Variants in TACC2 observed in about 807,000 individuals in gnomAD.
The protein encoded by TACC2 is transforming acidic coiled-coil containing protein 2.
Under a neutral mutation model 227.3 loss-of-function variants are expected in TACC2, and 137 were observed. The observed-to-expected ratio is 0.60, with a 90% CI of 0.52 to 0.69. TACC2 has a LOEUF of 0.69. Ranked by LOEUF, TACC2 falls within the 30% of genes least tolerant of loss-of-function variation. TACC2 has a pLI of 0.00. For synonymous variants in TACC2, 1,523 were observed against 1,487.5 expected (o/e 1.02, Z -0.55); for missense variants, 3,470 against 3,694.4 (o/e 0.94, Z 1.57).
At chr10:122,021,858 T>A in intron 1 of TACC2, 79 bp from the exon 2 acceptor site, 3 of 789,098 alleles carry the variant, frequency 3.8e-6, no homozygotes, top group Non-Finnish European at 6.5e-6. Context: ...GGCTTTTGAG[T>A]TTGGGGAGAT....
At chr10:122,191,184 C>T (rs2094398838) in intron 7 of TACC2, among the ~76,000 whole-genome samples, 1 of 151,680 alleles carries the variant, frequency 6.6e-6, no homozygotes, top group African/African-American at 2.4e-5. Context: ...GTTGTGCGAT[C>T]ATAGCTTGCT....
chr10:122,085,564 G>A lies in TACC2; in HGVS notation c.3064G>A (p.Asp1022Asn), dbSNP rs999906345. 1.2e-6 allele frequency: 2 copies of A among 1,613,212 alleles called. No individual in the cohort carries two copies. The highest frequency in any genetic ancestry group is 1.7e-6 in the Non-Finnish European group (2 of 1,180,052). The change falls in exon 4 of 23, where the codon GAT becomes AAT. Residue 1022 changes from aspartate to asparagine, a missense_variant. Physicochemically the swap from Asp to Asn is conservative, Grantham distance 23. Coordinates refer to ENST00000369005, the MANE Select transcript of TACC2 (RefSeq NM_206862.4). ...GCATCCAGGAGCTTCTGAAGCAGCT[G>A]ATGGTTGTTCCCCACTCTGGGGCTT... ...QRHPGASEAA[D>N]GCSPLWGLSK...
chr10:122,146,033 T>C (rs1290701721), intron 7 of TACC2, among the ~76,000 whole-genome samples: 1 of 152,210 alleles, frequency 6.6e-6, no homozygotes, highest in Non-Finnish European at 1.5e-5. Flanking sequence ...CGTCCTGCCC[T>C]CAAGGAGCAT....
intron 2 of TACC2, among the ~76,000 whole-genome samples, chr10:122,041,937 GTTCTTTTCTTTT>G (rs201936747): frequency 0.041 from 6,187 of 152,056 alleles, 219 homozygotes; most frequent in Admixed American, 0.11. Context: ...GGGAGGAGCT[GTTCTTTTCTTTT>G]TTCTTTTCTT....
chr10:121,998,126 A>G (rs1001892637), intron 1 of TACC2, among the ~76,000 whole-genome samples: 7 of 152,032 alleles, frequency 4.6e-5, no homozygotes, highest in African/African-American at 1.7e-4. Flanking sequence ...CCTGGCCAAT[A>G]TGGTGAAACC....
At chr10:122,043,487 T>C (rs1307323412) in intron 2 of TACC2, among the ~76,000 whole-genome samples, 2 of 151,142 alleles carry the variant, frequency 1.3e-5, no homozygotes, top group Admixed American at 6.6e-5. Context: ...TTCTCTTTCT[T>C]TTTCTTTCTT....
chr10:122,147,551 A>G (rs1286935404), intron 7 of TACC2, among the ~76,000 whole-genome samples: 1 of 152,236 alleles, frequency 6.6e-6, no homozygotes, highest in Non-Finnish European at 1.5e-5. Context: ...AGGGTGGAAC[A>G]TCTACAGAAA....
In TACC2 at chr10:121,998,307, G is replaced by A. The variant is rs112687636; in HGVS notation, c.-46+8819G>A. 2.4e-3 allele frequency among the ~76,000 whole-genome samples: 292 copies of A among 120,882 alleles called. 2 individuals are homozygous for A. Among genetic ancestry groups the A allele is most frequent in the Non-Finnish European group, 4.2e-3 (251 of 59,864 alleles). 79.3% of individuals were successfully genotyped at this position (120,882 alleles called of 152,430 possible). On this transcript the variant is annotated intron_variant, in intron 1 of 22. Transcript: ENST00000369005. ...AGCCTGGGTGACACAGTGAGACCAC[G>A]TTCTCAAAAAAAAAAAAAAAAAAAA...
intron 7 of TACC2, among the ~76,000 whole-genome samples, chr10:122,156,302 C>T (rs181159147): frequency 6.6e-6 from 1 of 151,602 alleles, no homozygotes; most frequent in African/African-American, 2.4e-5. Flanking sequence ...CGGCTCACTG[C>T]AAGCTCCGCT....
intron 7 of TACC2, among the ~76,000 whole-genome samples, chr10:122,178,966 A>T (rs2093858233): frequency 6.6e-6 from 1 of 152,248 alleles, no homozygotes; most frequent in African/African-American, 2.4e-5. Context: ...ACTTTTAAGT[A>T]GCAGGAACAT....
In TACC2 at chr10:122,209,463, C is replaced by T. The variant is rs538418062; in HGVS notation, c.5972-934C>T. Among the ~76,000 whole-genome samples, 6 of 152,202 alleles carry T rather than the reference C, an allele frequency of 3.9e-5. No individual in the cohort carries two copies. Among genetic ancestry groups the T allele is most frequent in the East Asian group, 3.9e-4 (2 of 5,188 alleles). ...ACTGGCCTCCTCGCTGTTTCTGTAA[C>T]GCACCAGGTGCTCCTGCCGCAGAGC... is the stretch of plus-strand genomic sequence containing the variant. On this transcript the variant is annotated intron_variant, in intron 8 of 22. Coordinates refer to ENST00000369005, the MANE Select transcript of TACC2 (RefSeq NM_206862.4). This position sits in a 1 kb window ranked among gnomAD's most constrained non-coding sequence, Gnocchi z 4.5.
chr10:122,086,050 G>A lies in TACC2; in HGVS notation c.3550G>A (p.Glu1184Lys), dbSNP rs1350703229. 1 of 1,613,904 alleles carries A rather than the reference G, an allele frequency of 6.2e-7. No homozygotes were observed. The highest frequency in any genetic ancestry group is 8.5e-7 in the Non-Finnish European group (1 of 1,180,030). ...TGCCCTACGTGAGTCCTGCCAAGCT[G>A]AGCACCCCATGGCCAGCTGCCAGGA... is the stretch of plus-strand genomic sequence containing the variant. ...TSALRESCQAEHPMASCQDAL... is the reference protein window; with the variant it reads ...TSALRESCQAKHPMASCQDAL... The change falls in exon 4 of 23, where the codon GAG becomes AAG. Residue 1184 changes from glutamate (E) to lysine (K), a missense_variant. This residue lies in a region of TACC2 where 1,924 missense variants were observed against 1,978.3 expected (regional missense o/e 0.97). Transcript: ENST00000369005.
At position 122,066,270 on chromosome 10, in the gene TACC2, G is replaced by A. The variant is rs548132769; in HGVS notation, c.146+15720G>A. ...CTACAGGGGCCTGCCACCATGCCCAGCTATTTTTTTTTTTTTTTTTGAGAC... is the reference window on the plus strand; with the variant it reads ...CTACAGGGGCCTGCCACCATGCCCAACTATTTTTTTTTTTTTTTTTGAGAC... On this transcript the variant is annotated intron_variant, in intron 3 of 22. Coordinates refer to ENST00000369005, the MANE Select transcript of TACC2 (RefSeq NM_206862.4). Among the ~76,000 whole-genome samples the A allele has an allele frequency of 7.1e-4, 102 of 144,636 alleles. 1 individual carries two copies. Among genetic ancestry groups the A allele is most frequent in the Admixed American group, 9.3e-4 (13 of 13,976 alleles). 94.9% of individuals were successfully genotyped at this position (144,636 alleles called of 152,430 possible).
intron 19 of TACC2, 78 bp downstream of exon 19, chr10:122,242,079 C>T: frequency 2.2e-6 from 3 of 1,358,990 alleles, no homozygotes; most frequent in Non-Finnish European, 3.2e-6. Context: ...AGATAGGAGG[C>T]TCAGAGTGGG....
intron 8 of TACC2, among the ~76,000 whole-genome samples, chr10:122,198,797 G>A (rs1320502555): frequency 1.3e-5 from 2 of 152,216 alleles, no homozygotes; most frequent in South Asian, 2.1e-4. Flanking sequence ...CCTGGGGCAG[G>A]CCCTTAGTAG....
chr10:122,244,490 C>T (rs975605283), intron 19 of TACC2, among the ~76,000 whole-genome samples: 1 of 152,190 alleles, frequency 6.6e-6, no homozygotes, highest in Non-Finnish European at 1.5e-5. Context: ...CCGTAGATTT[C>T]AAGGTCCTTG....
At chr10:122,250,250 T>C (rs931077671) in intron 22 of TACC2, among the ~76,000 whole-genome samples, 10 of 152,330 alleles carry the variant, frequency 6.6e-5, no homozygotes, top group East Asian at 3.9e-4. Flanking sequence ...CCTCTGAGCG[T>C]TGGGCTGTTG....
At chr10:122,075,253 A>AT (rs887260232) in intron 3 of TACC2, among the ~76,000 whole-genome samples, 1 of 151,544 alleles carries the variant, frequency 6.6e-6, no homozygotes, top group African/African-American at 2.4e-5. Flanking sequence ...AGGCTGCAGG[A>AT]TGCCAAAACC....
At chr10:122,102,531 A>T (rs1055020636) in intron 5 of TACC2, among the ~76,000 whole-genome samples, 2 of 152,228 alleles carry the variant, frequency 1.3e-5, no homozygotes, top group Non-Finnish European at 2.9e-5. Flanking sequence ...TCACTTGGAC[A>T]TCTGACTGTC....
Sources: allele counts gnomAD v4.1 joint callset (sites outside exome capture counted in the v4.1 genomes callset), GRCh38; gene constraint gnomAD v4.1.1; regional missense constraint gnomAD v4.1.1; non-coding constraint Gnocchi (gnomAD v3.1); transcripts MANE v1.5; gene names NCBI Gene and HGNC (gene_info 2026-07-23, HGNC 2026-07-21).